The following UGT1A5 variants were observed in gnomAD, a reference collection of about 807,000 sequenced individuals.
UGT1A5 encodes the protein UDP-glucuronosyltransferase 1A5.
UGT1A5 carries 29 observed loss-of-function variants against 40.3 expected under a neutral mutation model. That is an observed-to-expected ratio of 0.72 (90% CI 0.54 to 0.98). The LOEUF is 0.98. Ranked by LOEUF, UGT1A5 falls within the 50% of genes least tolerant of loss-of-function variation. The pLI is 0.00. For synonymous variants in UGT1A5, 257 were observed against 262.5 expected (o/e 0.98, Z 0.20); for missense variants, 678 against 677.9 (o/e 1.00, Z 0.00).
In UGT1A5 at chr2:233,719,747, A is replaced by G. The variant is rs146266651; in HGVS notation, c.867+5889A>G. 35 of 1,612,826 alleles carry G rather than the reference A, an allele frequency of 2.2e-5. No homozygotes were observed. The East Asian group carries it at 7.4e-4, about 34-fold the overall frequency. ...AGGCAAAACACTTTTTAAAAAATGT[A>G]TTTACTTACAAGTGCTTCCATATCT... On this transcript the variant is annotated intron_variant, in intron 1 of 4. Transcript: ENST00000373414.
rs773080052 is a variant in UGT1A5, at chr2:233,725,069, CGCAGGCACTCG to C, written c.867+11218_867+11228del. On this transcript the variant is annotated intron_variant, in intron 1 of 4. Coordinates refer to ENST00000373414, the MANE Select transcript of UGT1A5 (RefSeq NM_019078.2). ...AGGCGTGGCGGCGCGCGCCTGCAAT[CGCAGGCACTCG>C]GCAGGCTGAGGCAGGAGAATCAGGC... 5.1e-3 allele frequency among the ~76,000 whole-genome samples: 744 copies of C among 146,616 alleles called. 33 individuals carry two copies. The highest frequency in any genetic ancestry group is 8.3e-3 in the Non-Finnish European group (553 of 66,856).
rs1559370464 is a variant in UGT1A5 at position 233,725,249 on chromosome 2, GGAGGCAGAGGCAGAGGAGGCAGAGGCA to G, written c.867+11408_867+11434del. Among the ~76,000 whole-genome samples, 7 of 48,520 alleles carry G rather than the reference GGAGGCAGAGGCAGAGGAGGCAGAGGCA, an allele frequency of 1.4e-4. 2 individuals carry two copies. The highest frequency in any genetic ancestry group is 4.8e-4 in the East Asian group (1 of 2,098). The allele number at this position is 48,520 out of a possible 152,430, so 31.8% of individuals were successfully genotyped here. On this transcript the variant is annotated intron_variant, in intron 1 of 4. Coordinates refer to ENST00000373414, the MANE Select transcript of UGT1A5 (RefSeq NM_019078.2). ...CAGAGGCAGAGGAGGCAGAGGCAGA[GGAGGCAGAGGCAGAGGAGGCAGAGGCA>G]GAGGCAGAGGCAGAGGCAGAGGCAG...
intron 1 of UGT1A5, among the ~76,000 whole-genome samples, chr2:233,722,425 T>G (rs1224691160): frequency 6.6e-6 from 1 of 152,236 alleles, no homozygotes; most frequent in African/African-American, 2.4e-5. Context: ...ATGGATAGGT[T>G]GAATTATTTG....
At chr2:233,757,716 G>A (rs1426066067) in intron 1 of UGT1A5, among the ~76,000 whole-genome samples, 1 of 151,612 alleles carries the variant, frequency 6.6e-6, no homozygotes, top group African/African-American at 2.4e-5. Context: ...TCCCGGGAGG[G>A]TCCTGTAGAT....
chr2:233,721,331 C>T (rs1281887450), intron 1 of UGT1A5, among the ~76,000 whole-genome samples: 1 of 152,014 alleles, frequency 6.6e-6, no homozygotes, highest in African/African-American at 2.4e-5. Flanking sequence ...TGTGGTTTTT[C>T]ACTATGAATA....
chr2:233,747,676 A>G (rs1559392611), intron 1 of UGT1A5: 10 of 1,605,156 alleles, frequency 6.2e-6, no homozygotes, highest in Non-Finnish European at 8.5e-6. Flanking sequence ...GACCCAATTT[A>G]CCTCTGTGGG....
At chr2:233,714,435 T>C (rs1325584515) in intron 1 of UGT1A5, among the ~76,000 whole-genome samples, 1 of 152,078 alleles carries the variant, frequency 6.6e-6, no homozygotes, top group African/African-American at 2.4e-5. Context: ...AAACACAGAG[T>C]TCAGTTTCCA....
chr2:233,730,592 G>C (rs1017666778), intron 1 of UGT1A5, among the ~76,000 whole-genome samples: 3 of 152,138 alleles, frequency 2.0e-5, no homozygotes, highest in African/African-American at 7.2e-5. Flanking sequence ...ACAGGGATCT[G>C]TGCTGTCAAG....
chr2:233,750,666 G>A (rs931346002), intron 1 of UGT1A5: 3 of 149,178 alleles, frequency 2.0e-5, no homozygotes, highest in Non-Finnish European at 2.9e-5. Flanking sequence ...GGTGCCCTGT[G>A]TCCCAGTGGC....
chr2:233,726,321 G>A (rs1278846802), intron 1 of UGT1A5, among the ~76,000 whole-genome samples: 1 of 152,184 alleles, frequency 6.6e-6, no homozygotes, highest in African/African-American at 2.4e-5. Context: ...GAGCTCAGGA[G>A]TTTCAGCACC....
rs930932436 is a variant in UGT1A5 at position 233,769,919 on chromosome 2, G to A, written c.1307+1480G>A. The A allele has an allele frequency of 1.0e-5, 3 of 286,172 alleles. No individual in the cohort carries two copies. Among genetic ancestry groups the A allele is most frequent in the Non-Finnish European group, 1.3e-5 (2 of 153,080 alleles). 17.7% of individuals were successfully genotyped at this position (286,172 alleles called of 1,614,324 possible). A position where few individuals can be genotyped will look rare whatever the true frequency, so the allele number is the denominator to read the frequency against. Reference sequence around the variant, plus strand: ...GAGCATCATGTGCCCAGAGCGTTGGGTGGTGTGGTCCCATTCCTTCCTTCC... The same window carrying A: ...GAGCATCATGTGCCCAGAGCGTTGGATGGTGTGGTCCCATTCCTTCCTTCC... On this transcript the variant is annotated intron_variant, in intron 4 of 4. Coordinates refer to ENST00000373414, the MANE Select transcript of UGT1A5 (RefSeq NM_019078.2). This position sits in a 1 kb window ranked among gnomAD's most constrained non-coding sequence, Gnocchi z 4.4.
chr2:233,716,698 TA>T (rs1450076401), intron 1 of UGT1A5, among the ~76,000 whole-genome samples: 1 of 152,204 alleles, frequency 6.6e-6, no homozygotes, highest in African/African-American at 2.4e-5. Context: ...TACATTCTCT[TA>T]AAAACACTAA....
intron 4 of UGT1A5, 140 bp downstream of exon 4, chr2:233,768,579 C>CT: frequency 4.3e-6 from 4 of 934,844 alleles, no homozygotes; most frequent in Admixed American, 8.5e-5. Context: ...ATTTTTATTT[C>CT]TTCTTTTTTT....
At chr2:233,729,880 G>T in intron 1 of UGT1A5, 1 of 1,613,860 alleles carries the variant, frequency 6.2e-7, no homozygotes, top group Non-Finnish European at 8.5e-7. Flanking sequence ...TCTCAGTCAT[G>T]CATCTGTGTG....
chr2:233,751,063 A>G (rs1291377665), intron 1 of UGT1A5, among the ~76,000 whole-genome samples: 4 of 152,012 alleles, frequency 2.6e-5, no homozygotes, highest in East Asian at 1.9e-4. Context: ...ACAGACACTC[A>G]ATGCCAGCCT....
rs1699951118 is a variant in UGT1A5, at chr2:233,769,835, G to A, written c.1307+1396G>A. The A allele has an allele frequency of 3.1e-6, 2 of 640,066 alleles. No individual in the cohort carries two copies. The highest frequency in any genetic ancestry group is 2.3e-6 in the Non-Finnish European group (1 of 426,370). The allele number at this position is 640,066 out of a possible 1,614,324, so 39.6% of individuals were successfully genotyped here. A position where few individuals can be genotyped will look rare whatever the true frequency, so the allele number is the denominator to read the frequency against. On this transcript the variant is annotated intron_variant, in intron 4 of 4. Coordinates refer to ENST00000373414, the MANE Select transcript of UGT1A5 (RefSeq NM_019078.2). The surrounding 1 kb of genome is among the most constrained non-coding windows in gnomAD (Gnocchi z 4.4). ...ATGCCACTGCACTCCAGCAACCTGG[G>A]CAACAGAGTGAGACCCTGTCTCAAA...
intron 2 of UGT1A5, 81 bp from the exon 3 acceptor site, chr2:233,767,768 G>T: frequency 6.2e-7 from 1 of 1,610,138 alleles, no homozygotes. Context: ...GAGGACCCCT[G>T]TTTTCTAGTT....
rs528932470 is a variant in UGT1A5, at chr2:233,768,499, A to C, written c.1307+60A>C. ...TGGCATTCATGATAAAATTGTTTCA[A>C]ATATGAAAACATTTACGTAGCATTT... On this transcript the variant is annotated intron_variant, in intron 4 of 4. Coordinates refer to ENST00000373414, the MANE Select transcript of UGT1A5 (RefSeq NM_019078.2). 123 of 1,570,454 alleles carry C rather than the reference A, an allele frequency of 7.8e-5. No individual in the cohort carries two copies. The East Asian group carries it at 1.6e-3, about 20-fold the overall frequency.
rs762488947 is a variant in UGT1A5, at chr2:233,772,318, C to T, written c.1364C>T (p.Pro455Leu). 5 of 1,614,112 alleles carry T rather than the reference C, an allele frequency of 3.1e-6. No homozygotes were observed. Among genetic ancestry groups the T allele is most frequent in the African/African-American group, 1.3e-5 (1 of 74,934 alleles). The change falls in exon 5 of 5, where the codon CCG (proline) becomes CTG (leucine). Residue 455 changes from proline to leucine, a missense_variant. Physicochemically the swap from Pro to Leu is moderately conservative, Grantham distance 98. Transcript: ENST00000373414. ...SSLHKDRPVE[P>L]LDLAVFWVEF... is the part of the protein sequence containing the mutation. ...CTTCACAAGGACCGCCCGGTGGAGC[C>T]GCTGGACCTGGCCGTGTTCTGGGTG...
Sources: allele counts gnomAD v4.1 joint callset (sites outside exome capture counted in the v4.1 genomes callset), GRCh38; gene constraint gnomAD v4.1.1; non-coding constraint Gnocchi (gnomAD v3.1); transcripts MANE v1.5; gene names NCBI Gene and HGNC (gene_info 2026-07-23, HGNC 2026-07-21).